ARMS2: variants seen among roughly 807,000 people sequenced by gnomAD.
The protein encoded by ARMS2 is age-related maculopathy susceptibility 2.
Under a neutral mutation model 6.0 loss-of-function variants are expected in ARMS2, and 4 were observed. That is an observed-to-expected ratio of 0.67 (90% CI 0.33 to 1.53). The LOEUF (loss-of-function observed/expected upper bound fraction) is 1.53. Among genes scored for constraint, ARMS2 ranks in the 40% most tolerant of loss-of-function variants. The pLI, the probability that ARMS2 is intolerant of heterozygous loss-of-function variation, is 0.06. For missense variants in ARMS2, 99 were observed against 127.6 expected, an observed-to-expected ratio of 0.78 and a Z score of 1.08; for synonymous variants, 49 against 51.7, an observed-to-expected ratio of 0.95 and a Z score of 0.22.
chr10:122,457,061 C>T lies in ARMS2; in HGVS notation c.*128C>T, dbSNP rs1442087409. The T allele has an allele frequency of 4.9e-6, 6 of 1,236,758 alleles. No individual in the cohort carries two copies. Among genetic ancestry groups the T allele is most frequent in the Non-Finnish European group, 5.7e-6 (5 of 882,618 alleles). The allele number at this position is 1,236,758 out of a possible 1,614,324, so 76.6% of individuals were successfully genotyped here. On this transcript the variant is annotated 3_prime_UTR_variant, in exon 2 of 2. Transcript: ENST00000528446. ...AGACTGGTCCCCTTCCCTCCAGCTG[C>T]CTCAACTGTCCACAGGACTCTCTTC...
In ARMS2 at chr10:122,454,999, A is replaced by T. The variant is rs1045778532; in HGVS notation, c.272A>T (p.Gln91Leu). The change falls in exon 1 of 2, where the codon CAG becomes CTG. Residue 91 changes from glutamine to leucine, a missense_variant. By Grantham distance (113) the Gln-to-Leu change is moderately radical (BLOSUM62 -2). Transcript: ENST00000528446. ...FSPAGTQRRF[Q>L]QPQHHLTLSI... is the part of the protein sequence containing the mutation. ...CCTGCTGGAACCCAGAGGAGGTTCC[A>T]GCAGCCTCAGCACCACCTGACACTG... 1 of 1,595,906 alleles carries T rather than the reference A, an allele frequency of 6.3e-7. No individual in the cohort carries two copies. The highest frequency in any genetic ancestry group is 1.3e-5 in the African/African-American group (1 of 74,530).
chr10:122,456,827 T>G, intron 1 of ARMS2, 80 bp from the exon 2 acceptor site: 16 of 1,535,388 alleles, frequency 1.0e-5, no homozygotes, highest in East Asian at 2.5e-5. Context: ...CATCTTCAAC[T>G]TAATTTAAAG....
At chr10:122,456,494 A>C (rs1259309135) in intron 1 of ARMS2, among the ~76,000 whole-genome samples, 1 of 151,840 alleles carries the variant, frequency 6.6e-6, no homozygotes, top group Non-Finnish European at 1.5e-5. Flanking sequence ...ATCTCTACTA[A>C]AAATACAGAA....
rs373144134 is a variant in ARMS2, at chr10:122,454,714, T to G, written c.-14T>G. 1 of 1,612,608 alleles carries G rather than the reference T, an allele frequency of 6.2e-7. No homozygotes were observed. Among genetic ancestry groups the G allele is most frequent in the Non-Finnish European group, 8.5e-7 (1 of 1,179,468 alleles). On this transcript the variant is annotated 5_prime_UTR_variant, in exon 1 of 2. Coordinates refer to ENST00000528446, the MANE Select transcript of ARMS2 (RefSeq NM_001099667.3). ...ACAGCACCTTTGTCACCACATTATG[T>G]CCCTGTACCCTACATGCTGCGCCTA...
At position 122,454,738 on chromosome 10, in the gene ARMS2, T is replaced by C. The variant is rs755463345; in HGVS notation, c.11T>C (p.Leu4Pro). 2.5e-6 allele frequency: 4 copies of C among 1,613,748 alleles called. No individual in the cohort carries two copies. In the Admixed American group the frequency reaches 6.7e-5, roughly 27 times the overall value. MLR[L>P]YPGPMVTEAE... is the part of the protein sequence containing the mutation. Reference sequence around the variant, plus strand: ...GTCCCTGTACCCTACATGCTGCGCCTATACCCAGGACCGATGGTAACTGAG... The same window carrying C: ...GTCCCTGTACCCTACATGCTGCGCCCATACCCAGGACCGATGGTAACTGAG... The change falls in exon 1 of 2, where the codon CTA becomes CCA. Residue 4 changes from leucine (L) to proline (P), a missense_variant. Physicochemically the swap from Leu to Pro is moderately conservative, Grantham distance 98. Transcript: ENST00000528446.
At chr10:122,455,091 T>C (rs2097476186) in intron 1 of ARMS2, 67 bp downstream of exon 1, 6 of 831,916 alleles carry the variant, frequency 7.2e-6, no homozygotes. Context: ...AGTGGTGCCC[T>C]GCAGCTTGCA....
chr10:122,454,700 G>T lies in ARMS2; in HGVS notation c.-28G>T. 1 of 1,602,176 alleles carries T rather than the reference G, an allele frequency of 6.2e-7. No homozygotes were observed. Among genetic ancestry groups the T allele is most frequent in the Non-Finnish European group, 8.5e-7 (1 of 1,171,386 alleles). On this transcript the variant is annotated 5_prime_UTR_variant, in exon 1 of 2. Coordinates refer to ENST00000528446, the MANE Select transcript of ARMS2 (RefSeq NM_001099667.3). ...GGCTTGGCAAGGGGACAGCACCTTT[G>T]TCACCACATTATGTCCCTGTACCCT...
chr10:122,456,766 C>A, intron 1 of ARMS2, 141 bp from the exon 2 acceptor site: 1 of 1,245,198 alleles, frequency 8.0e-7, no homozygotes, highest in South Asian at 1.7e-5. Flanking sequence ...TTAATTGTTA[C>A]AAAAGGAATG....
rs773405922 is a variant in ARMS2 at position 122,457,062 on chromosome 10, C to T, written c.*129C>T. On this transcript the variant is annotated 3_prime_UTR_variant, in exon 2 of 2. Coordinates refer to ENST00000528446, the MANE Select transcript of ARMS2 (RefSeq NM_001099667.3). ...GACTGGTCCCCTTCCCTCCAGCTGC[C>T]TCAACTGTCCACAGGACTCTCTTCC... 1.0e-4 allele frequency: 125 copies of T among 1,237,872 alleles called. No individual in the cohort carries two copies. The highest frequency in any genetic ancestry group is 1.3e-4 in the Non-Finnish European group (116 of 883,706). The allele number at this position is 1,237,872 out of a possible 1,614,324, so 76.7% of individuals were successfully genotyped here.
intron 1 of ARMS2, 144 bp from the exon 2 acceptor site, chr10:122,456,763 T>C: frequency 8.0e-7 from 1 of 1,243,104 alleles, no homozygotes; most frequent in Non-Finnish European, 1.1e-6. Flanking sequence ...AAATTAATTG[T>C]TACAAAAGGA....
At chr10:122,455,137 C>G in intron 1 of ARMS2, 113 bp downstream of exon 1, 1 of 643,140 alleles carries the variant, frequency 1.6e-6, no homozygotes, top group Admixed American at 2.7e-5. Context: ...GATGCATGCT[C>G]AGGTTTGAGC....
In ARMS2 at chr10:122,456,910, A is replaced by G. The variant is rs1441426331; in HGVS notation, c.301A>G (p.Ile101Val). Residue 101 changes from isoleucine to valine, a missense_variant, in exon 2 of 2, where the codon ATC becomes GTC. Coordinates refer to ENST00000528446, the MANE Select transcript of ARMS2 (RefSeq NM_001099667.3). Reference protein sequence around the residue: ...QQPQHHLTLSIIHTAAR With the variant: ...QQPQHHLTLSVIHTAAR ...ACTAAATCTATTTTTTTTTCAGTCT[A>G]TCATCCACACTGCAGCAAGGTGATT... is the stretch of plus-strand genomic sequence containing the variant. 3 of 1,550,356 alleles carry G rather than the reference A, an allele frequency of 1.9e-6. No individual in the cohort carries two copies. Among genetic ancestry groups the G allele is most frequent in the African/African-American group, 1.4e-5 (1 of 72,810 alleles).
intron 1 of ARMS2, among the ~76,000 whole-genome samples, chr10:122,456,202 G>C (rs2097476954): frequency 6.6e-6 from 1 of 151,310 alleles, no homozygotes; most frequent in Non-Finnish European, 1.5e-5. Context: ...TTAACTAATA[G>C]ACATGAATGT....
At position 122,454,807 on chromosome 10, in the gene ARMS2, C is replaced by T. The variant is rs760351425; in HGVS notation, c.80C>T (p.Ser27Leu). The stretch of plus-strand genomic sequence containing the variant: ...CCTGAGATGGCAAGTCTGTCCTCCT[C>T]GGTGGTTCCTGTGTCCTTCATTTCC... ...GGPEMASLSS[S>L]VVPVSFISTL... Residue 27 changes from serine to leucine, a missense_variant, in exon 1 of 2, where the codon TCG (serine) becomes TTG (leucine). By Grantham distance (145) the Ser-to-Leu change is moderately radical. Transcript: ENST00000528446. The T allele has an allele frequency of 8.7e-6, 14 of 1,613,866 alleles. No homozygotes were observed. Among genetic ancestry groups the T allele is most frequent in the Non-Finnish European group, 1.1e-5 (13 of 1,179,896 alleles).
Position 122,454,751 on chromosome 10 carries a change from G to A in ARMS2, c.24G>A (p.Pro8=), listed in dbSNP as rs201895396. The A allele has an allele frequency of 3.8e-5, 62 of 1,613,796 alleles. No individual in the cohort carries two copies. The highest frequency in any genetic ancestry group is 5.0e-5 in the Admixed American group (3 of 60,006). Residue 8 remains proline, a synonymous_variant, in exon 1 of 2, where the codon CCG becomes CCA. Coordinates refer to ENST00000528446, the MANE Select transcript of ARMS2 (RefSeq NM_001099667.3). ...ACATGCTGCGCCTATACCCAGGACC[G>A]ATGGTAACTGAGGCGGAGGGGAAAG... MLRLYPG[P]MVTEAEGKGG...
At chr10:122,455,138 A>G (rs747799597) in intron 1 of ARMS2, 114 bp downstream of exon 1, 11 of 643,640 alleles carry the variant, frequency 1.7e-5, no homozygotes, top group Non-Finnish European at 3.0e-5. Context: ...ATGCATGCTC[A>G]GGTTTGAGCA....
chr10:122,456,758 A>T (rs2133900025), intron 1 of ARMS2, 149 bp from the exon 2 acceptor site: 1 of 1,210,362 alleles, frequency 8.3e-7, no homozygotes, highest in Non-Finnish European at 1.1e-6. Context: ...GAAATAAATT[A>T]ATTGTTACAA....
chr10:122,456,497 A>C (rs1033400212), intron 1 of ARMS2, among the ~76,000 whole-genome samples: 1 of 151,502 alleles, frequency 6.6e-6, no homozygotes, highest in Non-Finnish European at 1.5e-5. Flanking sequence ...TCTACTAAAA[A>C]TACAGAAATT....
At position 122,455,687 on chromosome 10, in the gene ARMS2, A is replaced by G. The variant is rs370352115; in HGVS notation, c.297+663A>G. Among the ~76,000 whole-genome samples the G allele has an allele frequency of 3.7e-4, 56 of 152,284 alleles. No homozygotes were observed. In the East Asian group the frequency reaches 6.9e-3, roughly 19 times the overall value. On this transcript the variant is annotated intron_variant, in intron 1 of 1. Coordinates refer to ENST00000528446, the MANE Select transcript of ARMS2 (RefSeq NM_001099667.3). ...TGTGGCGCTTTGTGCTTGCCATAGTATATATAATTAGACAAATGAGAGAAC... is the reference window on the plus strand; with the variant it reads ...TGTGGCGCTTTGTGCTTGCCATAGTGTATATAATTAGACAAATGAGAGAAC...
Sources: gnomAD v4.1 joint callset for allele counts (sites outside exome capture counted in the v4.1 genomes callset) on GRCh38, gnomAD v4.1.1 for gene constraint, MANE v1.5 for transcripts, NCBI Gene and HGNC (gene_info 2026-07-23, HGNC 2026-07-21) for gene names.